Variants in MYO1B observed in about 807,000 individuals in gnomAD.
MYO1B encodes unconventional myosin-Ib.
A neutral mutation model predicts 159.7 loss-of-function variants in MYO1B; 72 were observed. The ratio of observed to expected loss-of-function variants is 0.45; its 90% CI spans 0.37 to 0.55. MYO1B has a LOEUF of 0.55. MYO1B is among the 20% of genes least tolerant of loss of function. The probability of loss-of-function intolerance (pLI) is 0.00; values close to 1 mark genes in which losing one functional copy is unlikely to be tolerated. For missense variants in MYO1B, 1,062 were observed against 1,364.8 expected, an observed-to-expected ratio of 0.78 and a Z score of 3.50; for synonymous variants, 468 against 473.8, an observed-to-expected ratio of 0.99 and a Z score of 0.16.
intron 1 of MYO1B, among the ~76,000 whole-genome samples, chr2:191,276,064 T>G (rs1424771513): frequency 3.3e-5 from 5 of 152,218 alleles, no homozygotes; most frequent in African/African-American, 1.2e-4. Context: ...AAAGGGAAAC[T>G]GTAGTATTTC....
At chr2:191,357,919 G>T (rs773755874) in intron 7 of MYO1B, among the ~76,000 whole-genome samples, 5 of 152,178 alleles carry the variant, frequency 3.3e-5, no homozygotes, top group African/African-American at 7.2e-5. Flanking sequence ...GGAAGCTTGT[G>T]ACTTATGAGA....
intron 2 of MYO1B, 111 bp downstream of exon 2, chr2:191,277,141 C>A: frequency 1.5e-6 from 2 of 1,350,350 alleles, no homozygotes; most frequent in Non-Finnish European, 2.0e-6. Flanking sequence ...TTGAGTCCAG[C>A]AGTATTTGCT....
intron 13 of MYO1B, among the ~76,000 whole-genome samples, chr2:191,378,303 C>G (rs1407561174): frequency 6.6e-6 from 1 of 151,598 alleles, no homozygotes; most frequent in Non-Finnish European, 1.5e-5. Flanking sequence ...TTTTCTTTTT[C>G]TTTGAGCAAC....
At chr2:191,367,386 T>C (rs1015762230) in intron 11 of MYO1B, among the ~76,000 whole-genome samples, 7 of 152,166 alleles carry the variant, frequency 4.6e-5, no homozygotes, top group African/African-American at 1.7e-4. Flanking sequence ...TTGTTTGCTC[T>C]TTAAGTTTTG....
chr2:191,363,114 A>G (rs928131884), intron 9 of MYO1B, among the ~76,000 whole-genome samples: 1 of 152,234 alleles, frequency 6.6e-6, no homozygotes, highest in Non-Finnish European at 1.5e-5. Flanking sequence ...TCTCAAAAAG[A>G]AAGTATCTCT....
chr2:191,258,842 G>T (rs1016763719), intron 1 of MYO1B, among the ~76,000 whole-genome samples: 1 of 152,156 alleles, frequency 6.6e-6, no homozygotes, highest in Non-Finnish European at 1.5e-5. Context: ...AGCACTGGTT[G>T]CCAGTTTAAA....
intron 3 of MYO1B, among the ~76,000 whole-genome samples, chr2:191,314,588 TA>T (rs1216026641): frequency 6.6e-6 from 1 of 152,234 alleles, no homozygotes; most frequent in Non-Finnish European, 1.5e-5. Context: ...CTTTGAAACT[TA>T]AGCCAATGCA....
chr2:191,299,426 C>G (rs1011883397), intron 3 of MYO1B, among the ~76,000 whole-genome samples: 2 of 152,174 alleles, frequency 1.3e-5, no homozygotes, highest in African/African-American at 2.4e-5. Context: ...TCACCCCACC[C>G]TCACCACATT....
chr2:191,409,429 A>G (rs1394554471), intron 26 of MYO1B, among the ~76,000 whole-genome samples: 1 of 152,052 alleles, frequency 6.6e-6, no homozygotes, highest in African/African-American at 2.4e-5. Flanking sequence ...TTTTCTTTCC[A>G]TTCCAGGTTC....
intron 3 of MYO1B, among the ~76,000 whole-genome samples, chr2:191,297,287 G>A (rs996160476): frequency 6.6e-6 from 1 of 152,180 alleles, no homozygotes; most frequent in African/African-American, 2.4e-5. Flanking sequence ...CAGAATTCAC[G>A]TACTTATGAT....
intron 5 of MYO1B, among the ~76,000 whole-genome samples, chr2:191,345,646 G>A (rs975526538): frequency 2.0e-5 from 3 of 152,210 alleles, no homozygotes; most frequent in Non-Finnish European, 2.9e-5. Flanking sequence ...ACCTAGGTCT[G>A]ATGTGCATAA....
At chr2:191,299,729 A>G (rs1689196020) in intron 3 of MYO1B, among the ~76,000 whole-genome samples, 1 of 152,234 alleles carries the variant, frequency 6.6e-6, no homozygotes, top group South Asian at 2.1e-4. Flanking sequence ...TACAAGCTAT[A>G]TAATCTTGAG....
At chr2:191,360,971 A>G (rs7591068) in intron 8 of MYO1B, among the ~76,000 whole-genome samples, 45,509 of 152,062 alleles carry the variant, frequency 0.3, 8,485 homozygotes, top group East Asian at 0.42. Context: ...AACATACTCC[A>G]TATGCTTTGC....
intron 1 of MYO1B, among the ~76,000 whole-genome samples, chr2:191,256,376 A>G (rs1474684542): frequency 6.6e-6 from 1 of 152,184 alleles, no homozygotes; most frequent in African/African-American, 2.4e-5. Flanking sequence ...GAATCAACAC[A>G]TGTGCAGCTC....
chr2:191,419,792 TAAAA>T (rs200187852), intron 30 of MYO1B, among the ~76,000 whole-genome samples: 1 of 151,692 alleles, frequency 6.6e-6, no homozygotes, highest in African/African-American at 2.4e-5. Flanking sequence ...AAAGTAAAAA[TAAAA>T]AAAATTAAAA....
chr2:191,318,686 T>G (rs1690512674), intron 3 of MYO1B, among the ~76,000 whole-genome samples: 1 of 152,196 alleles, frequency 6.6e-6, no homozygotes, highest in African/African-American at 2.4e-5. Context: ...AATATATATG[T>G]AATCTGTGTG....
chr2:191,419,376 G>A (rs1295805846), intron 30 of MYO1B, among the ~76,000 whole-genome samples: 1 of 151,910 alleles, frequency 6.6e-6, no homozygotes, highest in Non-Finnish European at 1.5e-5. Context: ...CCGCCACCAC[G>A]CCCGGCTAAT....
chr2:191,259,714 CTT>C (rs1322926329), intron 1 of MYO1B, among the ~76,000 whole-genome samples: 2 of 152,106 alleles, frequency 1.3e-5, no homozygotes, highest in African/African-American at 4.8e-5. Context: ...GCTGTGAACT[CTT>C]TGATGTAATC....
Position 191,329,993 on chromosome 2 carries a change from A to G in MYO1B, c.310A>G (p.Ile104Val). The G allele has an allele frequency of 6.2e-7, 1 of 1,612,748 alleles. No individual in the cohort carries two copies. Among genetic ancestry groups the G allele is most frequent in the Non-Finnish European group, 8.5e-7 (1 of 1,179,130 alleles). The change falls in exon 4 of 31, where the codon ATT (isoleucine) becomes GTT (valine). Residue 104 changes from isoleucine (I) to valine (V), a missense_variant. Ile to Val is a conservative substitution (Grantham distance 29). Transcript: ENST00000392318. Reference protein sequence around the residue: ...SLRDQDKDQCILITGESGAGK... With the variant: ...SLRDQDKDQCVLITGESGAGK... ...ACGAGATCAAGATAAGGACCAATGT[A>G]TTCTCATTACTGGGGAAAGTGGAGC...
Sources: allele counts gnomAD v4.1 joint callset (sites outside exome capture counted in the v4.1 genomes callset), GRCh38; gene constraint gnomAD v4.1.1; transcripts MANE v1.5; gene names NCBI Gene and HGNC (gene_info 2026-07-23, HGNC 2026-07-21).